Variants in CNTNAP5 observed in about 807,000 individuals in gnomAD.
The protein encoded by CNTNAP5 is contactin associated protein family member 5.
Under a neutral mutation model 150.2 loss-of-function variants are expected in CNTNAP5, and 72 were observed. The ratio of observed to expected loss-of-function variants is 0.48; its 90% confidence interval spans 0.40 to 0.58. CNTNAP5 has a LOEUF of 0.58. Among genes scored for constraint, CNTNAP5 ranks in the 20% least tolerant of loss-of-function variants. The pLI, the probability that CNTNAP5 is intolerant of heterozygous loss-of-function variation, is 0.00. For synonymous variants in CNTNAP5, 672 were observed against 619.8 expected, an observed-to-expected ratio of 1.08 and a Z score of -1.25; for missense variants, 1,636 against 1,626.2, an observed-to-expected ratio of 1.01 and a Z score of -0.10.
At chr2:124,440,867 A>G (rs912883596) in intron 5 of CNTNAP5, among the ~76,000 whole-genome samples, 8 of 152,162 alleles carry the variant, frequency 5.3e-5, no homozygotes, top group African/African-American at 9.6e-5. Flanking sequence ...TTACGAAATT[A>G]GAAACAAGTT....
chr2:124,602,865 T>G (rs1283335660), intron 11 of CNTNAP5, among the ~76,000 whole-genome samples: 1 of 152,202 alleles, frequency 6.6e-6, no homozygotes, highest in Non-Finnish European at 1.5e-5. Context: ...TGAACAACTC[T>G]CTAACACAGG....
At chr2:124,652,559 A>T (rs1261118555) in intron 13 of CNTNAP5, among the ~76,000 whole-genome samples, 3 of 152,242 alleles carry the variant, frequency 2.0e-5, no homozygotes, top group Admixed American at 2.0e-4. Context: ...TCAAAGCCAT[A>T]GTCTGGAAGA....
At chr2:124,634,526 T>A (rs12995183) in intron 12 of CNTNAP5, among the ~76,000 whole-genome samples, 1 of 151,930 alleles carries the variant, frequency 6.6e-6, no homozygotes, top group African/African-American at 2.4e-5. Context: ...ATTTTTTAAA[T>A]GAGGCACGGT....
chr2:124,031,624 G>A (rs913912814), intron 1 of CNTNAP5, among the ~76,000 whole-genome samples: 7 of 152,068 alleles, frequency 4.6e-5, no homozygotes, highest in Non-Finnish European at 1.0e-4. Context: ...ATGGCCATTT[G>A]TTCCTAACAG....
At chr2:124,177,121 T>C (rs972483354) in intron 1 of CNTNAP5, among the ~76,000 whole-genome samples, 51 of 152,140 alleles carry the variant, frequency 3.4e-4, no homozygotes, top group Non-Finnish European at 6.3e-4. Flanking sequence ...TTGATGGGAC[T>C]ATAGGTGTGA....
At chr2:124,244,645 G>T (rs1191935878) in intron 3 of CNTNAP5, among the ~76,000 whole-genome samples, 1 of 151,960 alleles carries the variant, frequency 6.6e-6, no homozygotes, top group Non-Finnish European at 1.5e-5. Flanking sequence ...ATTTGAGGAG[G>T]GACCATTACA....
intron 3 of CNTNAP5, among the ~76,000 whole-genome samples, chr2:124,314,286 G>T (rs552425973): frequency 6.6e-6 from 1 of 152,216 alleles, no homozygotes; most frequent in Non-Finnish European, 1.5e-5. Flanking sequence ...CAGTTTCCTA[G>T]TCTTCAGGGG....
intron 13 of CNTNAP5, among the ~76,000 whole-genome samples, chr2:124,740,540 A>G (rs1454886884): frequency 2.0e-5 from 3 of 152,200 alleles, no homozygotes; most frequent in Admixed American, 6.5e-5. Context: ...GTGGGACGGA[A>G]GAAGGGCAGA....
chr2:124,600,460 G>A (rs1010199799), intron 11 of CNTNAP5, among the ~76,000 whole-genome samples: 2 of 18,938 alleles, frequency 1.1e-4, no homozygotes, highest in African/African-American at 1.1e-4. Context: ...GAGCAATGAT[G>A]TGTGTAAATC....
chr2:124,709,303 A>G (rs561296290), intron 13 of CNTNAP5, among the ~76,000 whole-genome samples: 14 of 152,120 alleles, frequency 9.2e-5, no homozygotes, highest in Non-Finnish European at 1.9e-4. Context: ...ATGAGGGCCA[A>G]GCAGTCACAT....
chr2:124,430,307 C>T (rs1037789173), intron 4 of CNTNAP5, among the ~76,000 whole-genome samples: 41 of 151,974 alleles, frequency 2.7e-4, no homozygotes, highest in African/African-American at 7.7e-4. Context: ...CTCTTTGTGC[C>T]GTGTTTGTCT....
intron 10 of CNTNAP5, among the ~76,000 whole-genome samples, chr2:124,551,562 A>G (rs984404676): frequency 1.3e-5 from 2 of 152,216 alleles, no homozygotes; most frequent in African/African-American, 2.4e-5. Context: ...CACAGCTTAC[A>G]TTAGTCAGCT....
At chr2:124,396,874 G>A (rs888457847) in intron 3 of CNTNAP5, among the ~76,000 whole-genome samples, 26 of 152,122 alleles carry the variant, frequency 1.7e-4, no homozygotes, top group African/African-American at 5.8e-4. Context: ...TTAGAATACA[G>A]GTCCCCCAGT....
At chr2:124,657,264 A>T (rs1316972415) in intron 13 of CNTNAP5, among the ~76,000 whole-genome samples, 1 of 152,184 alleles carries the variant, frequency 6.6e-6, no homozygotes, top group East Asian at 1.9e-4. Flanking sequence ...GAAAGTGTAG[A>T]GTTAGGTCTA....
chr2:124,677,418 C>T (rs896632827), intron 13 of CNTNAP5, among the ~76,000 whole-genome samples: 4 of 152,194 alleles, frequency 2.6e-5, no homozygotes, highest in African/African-American at 9.7e-5. Flanking sequence ...TGGAAGGGGA[C>T]CTGAGCAGGT....
chr2:124,059,293 C>T (rs1219837325), intron 1 of CNTNAP5, among the ~76,000 whole-genome samples: 1 of 152,154 alleles, frequency 6.6e-6, no homozygotes, highest in Non-Finnish European at 1.5e-5. Flanking sequence ...AATGAATTCA[C>T]CATTTATTGA....
At chr2:124,361,128 T>C (rs370204297) in intron 3 of CNTNAP5, among the ~76,000 whole-genome samples, 32 of 147,982 alleles carry the variant, frequency 2.2e-4, no homozygotes, top group East Asian at 1.4e-3. Flanking sequence ...GCATTCTTCA[T>C]GTAGTTCTCG....
At chr2:124,280,506 C>T (rs78664343) in intron 3 of CNTNAP5, among the ~76,000 whole-genome samples, 2,352 of 152,098 alleles carry the variant, frequency 0.015, 74 homozygotes, top group African/African-American at 0.054. Flanking sequence ...TTTTCTACAC[C>T]ACCAGTGGCA....
intron 13 of CNTNAP5, among the ~76,000 whole-genome samples, chr2:124,661,706 C>T (rs1484269764): frequency 1.3e-5 from 2 of 152,064 alleles, no homozygotes; most frequent in East Asian, 1.9e-4. Context: ...GCCATACTTT[C>T]ATAAAACTGG....
Sources: gnomAD v4.1 joint callset for allele counts (sites outside exome capture counted in the v4.1 genomes callset) on GRCh38, gnomAD v4.1.1 for gene constraint, MANE v1.5 for transcripts, NCBI Gene and HGNC (gene_info 2026-07-23, HGNC 2026-07-21) for gene names.